ZDHHC24: variants seen among roughly 807,000 people sequenced by gnomAD.
ZDHHC24 encodes the protein zDHHC palmitoyltransferase 24.
Under a neutral mutation model 23.2 loss-of-function variants are expected in ZDHHC24, and 17 were observed. That is an observed-to-expected ratio of 0.73 (90% confidence interval 0.50 to 1.10). The LOEUF (loss-of-function observed/expected upper bound fraction) is 1.10, where lower values mean the gene tolerates loss of function less well. ZDHHC24 is among the 50% of genes least tolerant of loss of function. The probability of loss-of-function intolerance (pLI) is 0.00; values close to 1 mark genes in which losing one functional copy is unlikely to be tolerated. For synonymous variants in ZDHHC24, 186 were observed against 194.5 expected (o/e 0.96, Z 0.36); for missense variants, 366 against 393.0 (o/e 0.93, Z 0.58).
At position 66,529,916 on chromosome 11, in the gene ZDHHC24, C is replaced by T. The variant is rs1856697260; in HGVS notation, c.560-428G>A. The T allele has an allele frequency of 1.9e-6, 3 of 1,605,794 alleles. No homozygotes were observed. The highest frequency in any genetic ancestry group is 8.5e-7 in the Non-Finnish European group (1 of 1,179,786). The stretch of plus-strand genomic sequence containing the variant: ...TCGAGTCCAGCCTGAGCCCCCTGTC[C>T]ACGACAGCCCGAGAGCCACTCAAGC... On this transcript the variant is annotated intron_variant, in intron 2 of 4. Transcript: ENST00000526986.
chr11:66,539,636 C>G lies in ZDHHC24; in HGVS notation c.748G>C (p.Gly250Arg). 1 of 1,612,564 alleles carries G rather than the reference C, an allele frequency of 6.2e-7. No individual in the cohort carries two copies. Among genetic ancestry groups the G allele is most frequent in the Non-Finnish European group, 8.5e-7 (1 of 1,179,606 alleles). Residue 250 changes from glycine to arginine, a missense_variant, in exon 3 of 3, where the codon GGG becomes CGG. Transcript: ENST00000310442. ...AGCCAGACGAGGGCCCAGCGGGGCC[C>G]CAGGGCTGCCTGCAGGTTGTGGCAG... ...GPCHNLQAALGPRWALVWLWP... is the reference protein window; with the variant it reads ...GPCHNLQAALRPRWALVWLWP...
chr11:66,545,952 G>C lies in ZDHHC24; in HGVS notation c.52C>G (p.Pro18Ala), dbSNP rs1357829221. 1 of 1,444,072 alleles carries C rather than the reference G, an allele frequency of 6.9e-7. No individual in the cohort carries two copies. The highest frequency in any genetic ancestry group is 2.8e-5 in the East Asian group (1 of 35,870). 89.5% of individuals were successfully genotyped at this position (1,444,072 alleles called of 1,614,324 possible). ...GCCCACAGCGCGGTGAGCACGAGAG[G>C]CAGCTGCGCGGGCGCCCCGTCCGTG... The part of the protein sequence containing the change: ...GSTDGAPAQL[P>A]LVLTALWAAA... The change falls in exon 1 of 3, where the codon CCT (proline) becomes GCT (alanine). Residue 18 changes from proline to alanine, a missense_variant. Pro to Ala is a conservative substitution (Grantham distance 27, BLOSUM62 -1). Transcript: ENST00000310442. The surrounding 1 kb of genome is among the most constrained non-coding windows in gnomAD (Gnocchi z 4.5).
In ZDHHC24 at chr11:66,521,259, CTTG is replaced by C. The variant is rs1802964008; in HGVS notation, c.*226_*228del. On this transcript the variant is annotated 3_prime_UTR_variant, in exon 5 of 5. Transcript: ENST00000526986. ...CAGAGAAATTGGAGTGTTTGCGCTT[CTTG>C]TTTGCAGATGAGCCTTCCCAGCGTC... The C allele has an allele frequency of 6.2e-7, 1 of 1,610,758 alleles. No individual in the cohort carries two copies. Among genetic ancestry groups the C allele is most frequent in the African/African-American group, 1.3e-5 (1 of 75,012 alleles).
downstream of ZDHHC24, among the ~76,000 whole-genome samples, chr11:66,535,463 C>T (rs998036769): frequency 6.6e-6 from 1 of 151,966 alleles, no homozygotes; most frequent in Admixed American, 6.6e-5. Flanking sequence ...GCCTCAGCCT[C>T]CCAAAGTGTG....
chr11:66,522,803 A>G, intron 4 of ZDHHC24: 1 of 263,344 alleles, frequency 3.8e-6, no homozygotes, highest in Non-Finnish European at 7.5e-6. Context: ...AGATGTTACT[A>G]CAAATTGGAT....
intron 2 of ZDHHC24, among the ~76,000 whole-genome samples, chr11:66,541,184 C>T (rs2134881709): frequency 6.6e-6 from 1 of 151,586 alleles, no homozygotes; most frequent in East Asian, 1.9e-4. Context: ...GGTGGATCAC[C>T]TGAGGTCAGG....
At chr11:66,530,652 G>A (rs576332689), downstream of ZDHHC24, among the ~76,000 whole-genome samples, 8 of 152,292 alleles carry the variant, frequency 5.3e-5, no homozygotes, top group East Asian at 1.5e-3. Flanking sequence ...TCAGGTGAGA[G>A]TCGGGGCCTG....
chr11:66,542,164 G>A (rs1199452234), intron 2 of ZDHHC24, among the ~76,000 whole-genome samples: 3 of 152,090 alleles, frequency 2.0e-5, no homozygotes, highest in African/African-American at 7.2e-5. Flanking sequence ...TGGGAGAGCA[G>A]GGAAGGTTTG....
intron 4 of ZDHHC24, among the ~76,000 whole-genome samples, chr11:66,521,903 T>C (rs1233382498): frequency 4.6e-5 from 2 of 43,792 alleles, no homozygotes; most frequent in Admixed American, 3.3e-4. Flanking sequence ...AGACTCCGTC[T>C]CAAAAAAAAA....
intron 2 of ZDHHC24, 152 bp downstream of exon 2, chr11:66,543,552 C>T (rs1195846167): frequency 5.1e-6 from 5 of 988,130 alleles, no homozygotes; most frequent in African/African-American, 1.6e-5. Flanking sequence ...ACTGCACCCC[C>T]GGGTGAATAC....
downstream of ZDHHC24, chr11:66,530,861 C>T (rs1237055751): frequency 1.2e-6 from 2 of 1,613,870 alleles, no homozygotes; most frequent in East Asian, 2.2e-5. Context: ...GCTGCCAGGT[C>T]CTAAGGGCTT....
chr11:66,538,833 C>T lies in ZDHHC24; in HGVS notation c.*696G>A, dbSNP rs1400036153. On this transcript the variant is annotated 3_prime_UTR_variant, in exon 3 of 3. Coordinates refer to ENST00000310442, the MANE Select transcript of ZDHHC24 (RefSeq NM_207340.3). ...AAACAGCCCCAGCGCATTTCTTTAC[C>T]TTGATTTCTTTCCTACTCATTTCCT... 1 of 152,192 alleles carries T rather than the reference C, an allele frequency of 6.6e-6. No homozygotes were observed. The highest frequency in any genetic ancestry group is 1.5e-5 in the Non-Finnish European group (1 of 68,110). The allele number at this position is 152,192 out of a possible 1,614,324, so 9.4% of individuals were successfully genotyped here. A position where few individuals can be genotyped will look rare whatever the true frequency, so the allele number is the denominator to read the frequency against.
intron 4 of ZDHHC24, among the ~76,000 whole-genome samples, chr11:66,525,466 C>T (rs991717692): frequency 6.6e-6 from 1 of 150,608 alleles, no homozygotes; most frequent in Non-Finnish European, 1.5e-5. Flanking sequence ...CTGGGAAGGC[C>T]GAGGCAGAAT....
At chr11:66,539,882 AC>A in intron 2 of ZDHHC24, 58 bp from the exon 3 acceptor site, 1 of 1,447,358 alleles carries the variant, frequency 6.9e-7, no homozygotes, top group Non-Finnish European at 9.2e-7. Flanking sequence ...CTTTCCTGCC[AC>A]CTGCTCCCCT....
chr11:66,526,272 T>A, intron 4 of ZDHHC24: 1 of 1,419,740 alleles, frequency 7.0e-7, no homozygotes, highest in Non-Finnish European at 9.9e-7. Flanking sequence ...GAGGAGGAGG[T>A]GGAAATGAAG....
chr11:66,531,737 A>C, downstream of ZDHHC24: 7 of 1,614,022 alleles, frequency 4.3e-6, no homozygotes, highest in Non-Finnish European at 5.9e-6. Context: ...CTCAGACATC[A>C]TCAAGGTAGG....
Position 66,539,452 on chromosome 11 carries a change from G to A in ZDHHC24, c.*77C>T, listed in dbSNP as rs530113395. The A allele has an allele frequency of 3.3e-5, 47 of 1,443,810 alleles. No individual in the cohort carries two copies. The Middle Eastern group carries it at 9.0e-4, about 28-fold the overall frequency. The allele number at this position is 1,443,810 out of a possible 1,614,324, so 89.4% of individuals were successfully genotyped here. Reference sequence around the variant, plus strand: ...CAATGCAGATGTTAAGGTCCAACCCGACTTCCTTACTGAGTCTAGGTGTGG... The same window carrying A: ...CAATGCAGATGTTAAGGTCCAACCCAACTTCCTTACTGAGTCTAGGTGTGG... On this transcript the variant is annotated 3_prime_UTR_variant, in exon 3 of 3. Coordinates refer to ENST00000310442, the MANE Select transcript of ZDHHC24 (RefSeq NM_207340.3).
In ZDHHC24 at chr11:66,539,314, G is replaced by A. The variant is rs547608308; in HGVS notation, c.*215C>T. 1.1e-4 allele frequency: 138 copies of A among 1,264,770 alleles called. No individual in the cohort carries two copies. In the East Asian group the frequency reaches 3.7e-3, roughly 34 times the overall value. The allele number at this position is 1,264,770 out of a possible 1,614,324, so 78.3% of individuals were successfully genotyped here. A position where few individuals can be genotyped will look rare whatever the true frequency, so the allele number is the denominator to read the frequency against. ...GCAAAGGGGCAGCTAGGCGGCCTGA[G>A]CAGCCCCTGCCAGACCCTCCTCTGC... On this transcript the variant is annotated 3_prime_UTR_variant, in exon 3 of 3. Coordinates refer to ENST00000310442, the MANE Select transcript of ZDHHC24 (RefSeq NM_207340.3).
At chr11:66,535,486 C>T (rs1856939313), downstream of ZDHHC24, among the ~76,000 whole-genome samples, 1 of 151,832 alleles carries the variant, frequency 6.6e-6, no homozygotes, top group African/African-American at 2.4e-5. Context: ...ATTACAGTGC[C>T]CAGCCCCCAT....
Sources: allele counts gnomAD v4.1 joint callset (sites outside exome capture counted in the v4.1 genomes callset), GRCh38; gene constraint gnomAD v4.1.1; non-coding constraint Gnocchi (gnomAD v3.1); transcripts MANE v1.5; gene names NCBI Gene and HGNC (gene_info 2026-07-23, HGNC 2026-07-21).